The following TFAP2A variants were observed in gnomAD, a reference collection of about 807,000 sequenced individuals.
The protein encoded by TFAP2A is transcription factor AP-2 alpha, also known as transcription factor AP-2-alpha.
TFAP2A carries 7 observed loss-of-function variants against 41.5 expected under a neutral mutation model. The ratio of observed to expected loss-of-function variants is 0.17; its 90% confidence interval spans 0.10 to 0.32. TFAP2A has a LOEUF of 0.32. Among genes scored for constraint, TFAP2A ranks in the 10% least tolerant of loss-of-function variants. The probability of loss-of-function intolerance (pLI) is 1.00; values close to 1 mark genes in which losing one functional copy is unlikely to be tolerated. For missense variants in TFAP2A, 416 were observed against 563.3 expected, an observed-to-expected ratio of 0.74 and a Z score of 2.65; for synonymous variants, 247 against 242.8, an observed-to-expected ratio of 1.02 and a Z score of -0.16.
intron 2 of TFAP2A, 146 bp downstream of exon 2, chr6:10,409,755 C>T (rs770657490): frequency 2.1e-5 from 22 of 1,026,060 alleles, no homozygotes; most frequent in East Asian, 1.3e-4. Context: ...CAAAACGTCC[C>T]TCACTCTCCG....
At chr6:10,402,825 A>G (rs1411584943) in intron 4 of TFAP2A, among the ~76,000 whole-genome samples, 1 of 152,218 alleles carries the variant, frequency 6.6e-6, no homozygotes, top group Non-Finnish European at 1.5e-5. Context: ...TTCAGTTATT[A>G]TTGCAACTCT....
chr6:10,415,127 G>C (rs1758192013), upstream of TFAP2A: 13 of 1,575,348 alleles, frequency 8.3e-6, no homozygotes, highest in Non-Finnish European at 1.0e-5. Context: ...AGGAGGAGAA[G>C]GAGGAGGGAG....
intron 1 of TFAP2A, among the ~76,000 whole-genome samples, chr6:10,413,961 C>T (rs1758123450): frequency 6.6e-6 from 1 of 152,196 alleles, no homozygotes; most frequent in South Asian, 2.1e-4. Context: ...GGACTCATTG[C>T]TCATTACAGT....
intron 1 of TFAP2A, chr6:10,412,811 C>T (rs1295980306): frequency 5.4e-6 from 1 of 186,798 alleles, no homozygotes; most frequent in East Asian, 1.9e-4. Flanking sequence ...GACCGGCCCG[C>T]TCGCTGCACT....
intron 5 of TFAP2A, 45 bp from the exon 6 acceptor site, chr6:10,400,634 G>C: frequency 6.2e-7 from 1 of 1,611,016 alleles, no homozygotes. Context: ...AGAATGAAGA[G>C]TGGGGATCCT....
At chr6:10,411,938 A>C in intron 1 of TFAP2A, 1 of 1,147,654 alleles carries the variant, frequency 8.7e-7, no homozygotes, top group Non-Finnish European at 1.1e-6. Flanking sequence ...GTGTTCCTTA[A>C]TCCGTGTCTC....
chr6:10,417,520 G>T (rs1758291102), upstream of TFAP2A, among the ~76,000 whole-genome samples: 1 of 152,226 alleles, frequency 6.6e-6, no homozygotes, highest in South Asian at 2.1e-4. Flanking sequence ...ATGCTCCGGC[G>T]GGGCCAGAAC....
In TFAP2A at chr6:10,397,745, C is replaced by A; in HGVS notation, c.*672G>T. ...AAATAAATATATACAGAGACGTGAA[C>A]ACTGATTCCCTTATATAACTGCGAA... On this transcript the variant is annotated 3_prime_UTR_variant, in exon 7 of 7. Transcript: ENST00000379613. 1 of 483,910 alleles carries A rather than the reference C, an allele frequency of 2.1e-6. No homozygotes were observed. Among genetic ancestry groups the A allele is most frequent in the Non-Finnish European group, 2.7e-6 (1 of 371,890 alleles). 30.0% of individuals were successfully genotyped at this position (483,910 alleles called of 1,614,324 possible).
chr6:10,404,148 G>A (rs904571133), intron 4 of TFAP2A, among the ~76,000 whole-genome samples: 2 of 152,242 alleles, frequency 1.3e-5, no homozygotes, highest in African/African-American at 4.8e-5. Context: ...GGGAAAAGGT[G>A]GCTGTACGGC....
Position 10,397,958 on chromosome 6 carries a change from T to C in TFAP2A, c.*459A>G, listed in dbSNP as rs151315569. ...TATGGCTACAATCTGAACTGAAGTA[T>C]GTAAGGGAAGGTGGTGACTCAGTCC... On this transcript the variant is annotated 3_prime_UTR_variant, in exon 7 of 7. Coordinates refer to ENST00000379613, the MANE Select transcript of TFAP2A (RefSeq NM_001372066.1). The C allele has an allele frequency of 1.5e-3, 1,511 of 1,013,704 alleles. 20 individuals are homozygous for C. In the African/African-American group the frequency reaches 0.024, roughly 16 times the overall value. 62.8% of individuals were successfully genotyped at this position (1,013,704 alleles called of 1,614,324 possible).
chr6:10,398,800 GCCGGGATC>G lies in TFAP2A; in HGVS notation c.1032-103_1032-96del. The G allele has an allele frequency of 6.9e-7, 1 of 1,459,632 alleles. No individual in the cohort carries two copies. The highest frequency in any genetic ancestry group is 9.3e-7 in the Non-Finnish European group (1 of 1,074,658). 90.4% of individuals were successfully genotyped at this position (1,459,632 alleles called of 1,614,324 possible). A position where few individuals can be genotyped will look rare whatever the true frequency, so the allele number is the denominator to read the frequency against. On this transcript the variant is annotated intron_variant, in intron 6 of 6. Coordinates refer to ENST00000379613, the MANE Select transcript of TFAP2A (RefSeq NM_001372066.1). This position sits in a 1 kb window ranked among gnomAD's most constrained non-coding sequence, Gnocchi z 5.3. Reference sequence around the variant, plus strand: ...AACCTCCCTCCCTGCAGCTACCTCTGCCGGGATCCAGCCGGTACCTGACATGACCCAAG... The same window carrying G: ...AACCTCCCTCCCTGCAGCTACCTCTGCAGCCGGTACCTGACATGACCCAAG...
At chr6:10,404,472 G>GCGGGGCGGGGCGGGCGGGGC (rs1757594612) in intron 4 of TFAP2A, 36 bp downstream of exon 4, 2 of 1,428,928 alleles carry the variant, frequency 1.4e-6, no homozygotes, top group Non-Finnish European at 9.2e-7. Context: ...TCCCCCGGCC[G>GCGGGGCGGGGCGGGCGGGGC]CGGGGCGGGG....
At chr6:10,409,879 C>T (rs1757877185) in intron 2 of TFAP2A, 22 bp downstream of exon 2, 2 of 1,547,894 alleles carry the variant, frequency 1.3e-6, no homozygotes. Context: ...TTCCCTCCCG[C>T]GCTGGTTGCG....
At chr6:10,415,157 GGAGGAGGAAGAGGAGGGC>G, upstream of TFAP2A, 2 of 1,526,870 alleles carry the variant, frequency 1.3e-6, no homozygotes, top group Admixed American at 2.0e-5. Flanking sequence ...GCAAGGAGGA[GGAGGAGGAAGAGGAGGGC>G]GAGGAGGAGG....
intron 2 of TFAP2A, among the ~76,000 whole-genome samples, chr6:10,408,317 T>A (rs1236671772): frequency 1.3e-5 from 2 of 152,224 alleles, no homozygotes; most frequent in African/African-American, 4.8e-5. Context: ...ATCTTTTAGT[T>A]AGTTTCTCCT....
Position 10,410,225 on chromosome 6 carries a change from G to C in TFAP2A, c.162C>G (p.Asp54Glu). The stretch of plus-strand genomic sequence containing the variant: ...GTGGGGGGAAGTATGGGGGCTGGAA[G>C]TCGGCATTGGGGGTGTGGGACAGCG... ...APPLSHTPNA[D>E]FQPPYFPPPY... The change falls in exon 2 of 7, where the codon GAC becomes GAG. Residue 54 changes from aspartate (D) to glutamate (E), a missense_variant. Asp to Glu is a conservative substitution (Grantham distance 45). This residue lies in a region of TFAP2A where 241 missense variants were observed against 274.1 expected (regional missense o/e 0.88). Coordinates refer to ENST00000379613, the MANE Select transcript of TFAP2A (RefSeq NM_001372066.1). 3.8e-6 allele frequency: 3 copies of C among 797,026 alleles called. No homozygotes were observed. The highest frequency in any genetic ancestry group is 3.9e-6 in the Non-Finnish European group (2 of 511,818). 49.4% of individuals were successfully genotyped at this position (797,026 alleles called of 1,614,324 possible). A position where few individuals can be genotyped will look rare whatever the true frequency, so the allele number is the denominator to read the frequency against.
chr6:10,408,076 C>CTGTT (rs1406856987), intron 2 of TFAP2A: 2 of 152,168 alleles, frequency 1.3e-5, no homozygotes, highest in Admixed American at 1.3e-4. Flanking sequence ...ACAGGGAAGA[C>CTGTT]TGTTAAGTTT....
At chr6:10,419,572 C>T (rs1479780361), upstream of TFAP2A, 3 of 1,310,876 alleles carry the variant, frequency 2.3e-6, no homozygotes, top group Non-Finnish European at 3.3e-6. Context: ...AACATCTCAC[C>T]TGGTCATAAA....
intron 2 of TFAP2A, 75 bp downstream of exon 2, chr6:10,409,826 T>A (rs772492858): frequency 6.7e-7 from 1 of 1,501,300 alleles, no homozygotes; most frequent in Non-Finnish European, 9.0e-7. Context: ...ACCGACTGTA[T>A]GTTCCAGGTA....
Sources: allele counts gnomAD v4.1 joint callset (sites outside exome capture counted in the v4.1 genomes callset), GRCh38; gene constraint gnomAD v4.1.1; regional missense constraint gnomAD v4.1.1; non-coding constraint Gnocchi (gnomAD v3.1); transcripts MANE v1.5; gene names NCBI Gene and HGNC (gene_info 2026-07-23, HGNC 2026-07-21).